Variants in RANBP2 observed in about 807,000 individuals in gnomAD.
RANBP2 encodes RAN binding protein 2, also known as E3 SUMO-protein ligase RanBP2.
Under a neutral mutation model 303.6 loss-of-function variants are expected in RANBP2, and 57 were observed. That is an observed-to-expected ratio of 0.19 (90% CI 0.15 to 0.23). RANBP2 has a LOEUF of 0.23. Among genes scored for constraint, RANBP2 ranks in the 10% least tolerant of loss-of-function variants. The pLI, the probability that RANBP2 is intolerant of heterozygous loss-of-function variation, is 1.00. For synonymous variants in RANBP2, 1,167 were observed against 1,301.5 expected (o/e 0.90, Z 2.23); for missense variants, 3,138 against 3,780.8 (o/e 0.83, Z 4.46).
the RANBP2 span, among the ~76,000 whole-genome samples, chr2:109,167,633 A>C: frequency 6.6e-6 from 1 of 152,148 alleles, no homozygotes; most frequent in Non-Finnish European, 1.5e-5. Context: ...GTGCAGCGGC[A>C]CGATCTCGGC....
the RANBP2 span, among the ~76,000 whole-genome samples, chr2:108,944,176 C>T: frequency 4.6e-5 from 7 of 152,284 alleles, no homozygotes; most frequent in East Asian, 3.9e-4. Context: ...TGCAGTGGCA[C>T]GATCTCGGCT....
the RANBP2 span, among the ~76,000 whole-genome samples, chr2:109,033,921 A>G: frequency 1.4e-5 from 2 of 147,918 alleles, no homozygotes; most frequent in African/African-American, 2.5e-5. Context: ...GCACCACTGC[A>G]CTTCAGCCTG....
the RANBP2 span, among the ~76,000 whole-genome samples, chr2:109,471,138 A>AG: frequency 3.4e-3 from 470 of 138,730 alleles, 5 homozygotes; most frequent in South Asian, 0.037. Flanking sequence ...ACTTGAACCC[A>AG]GGGGGCAGAG....
At chr2:109,247,235 A>T in the RANBP2 span, among the ~76,000 whole-genome samples, 12 of 152,200 alleles carry the variant, frequency 7.9e-5, no homozygotes, top group African/African-American at 2.9e-4. Flanking sequence ...ATGCCCACAG[A>T]TTATGTGCTG....
chr2:109,238,449 TTGTG>T, the RANBP2 span, among the ~76,000 whole-genome samples: 18,966 of 142,350 alleles, frequency 0.13, 1,221 homozygotes, highest in Non-Finnish European at 0.15. Flanking sequence ...TTATGTATAT[TTGTG>T]TGTGTGTGTG....
At chr2:108,749,863 G>T (rs1373657058) in intron 9 of RANBP2, among the ~76,000 whole-genome samples, 1 of 152,114 alleles carries the variant, frequency 6.6e-6, no homozygotes, top group Non-Finnish European at 1.5e-5. Flanking sequence ...AAAGTGTTGG[G>T]ATTAGGCCTG....
chr2:108,750,695 G>C (rs992601157), intron 9 of RANBP2, among the ~76,000 whole-genome samples: 14 of 151,818 alleles, frequency 9.2e-5, no homozygotes, highest in African/African-American at 3.4e-4. Context: ...TCAAGCAATT[G>C]TCTTGCCTCA....
the RANBP2 span, chr2:108,856,969 T>C: frequency 6.3e-7 from 1 of 1,583,424 alleles, no homozygotes; most frequent in South Asian, 1.1e-5. Context: ...CGGTGGAATC[T>C]AGTAAGTTTT....
At chr2:108,940,551 C>T in the RANBP2 span, among the ~76,000 whole-genome samples, 5 of 152,240 alleles carry the variant, frequency 3.3e-5, no homozygotes, top group East Asian at 3.8e-4. Context: ...AGCCCCAGAT[C>T]GGGCGGAGGT....
At chr2:108,996,366 C>T in the RANBP2 span, among the ~76,000 whole-genome samples, 1 of 152,178 alleles carries the variant, frequency 6.6e-6, no homozygotes, top group Non-Finnish European at 1.5e-5. Context: ...GGGCTGGACA[C>T]TAGAGAGCTC....
the RANBP2 span, among the ~76,000 whole-genome samples, chr2:109,372,649 A>T: frequency 6.6e-6 from 1 of 152,220 alleles, no homozygotes; most frequent in Admixed American, 6.5e-5. Context: ...GAGTGGCAGA[A>T]CCAAGGTTTC....
chr2:109,249,514 T>TTTCCTTCCTTCC, the RANBP2 span, among the ~76,000 whole-genome samples: 2 of 42,958 alleles, frequency 4.7e-5, no homozygotes, highest in Admixed American at 3.0e-4. Context: ...TCTTTCATTC[T>TTTCCTTCCTTCC]TTCTTTTTCT....
the RANBP2 span, chr2:109,613,723 C>T: frequency 1.0e-6 from 1 of 985,838 alleles, no homozygotes. Flanking sequence ...ACCAGGGGGC[C>T]GGTGGGTCGA....
At chr2:109,419,549 C>T in the RANBP2 span, 4 of 1,595,658 alleles carry the variant, frequency 2.5e-6, no homozygotes, top group Non-Finnish European at 2.6e-6. Context: ...GATGTCTCCT[C>T]CTCGGCGGGA....
the RANBP2 span, among the ~76,000 whole-genome samples, chr2:109,184,385 G>A: frequency 6.6e-6 from 1 of 152,224 alleles, no homozygotes; most frequent in Non-Finnish European, 1.5e-5. Context: ...AATGCAGAAA[G>A]GCAGCTTTTC....
At chr2:109,037,001 TG>T in the RANBP2 span, among the ~76,000 whole-genome samples, 6 of 151,894 alleles carry the variant, frequency 4.0e-5, no homozygotes, top group Non-Finnish European at 7.4e-5. Context: ...AAAAATTAGC[TG>T]GGCATGGTGG....
the RANBP2 span, among the ~76,000 whole-genome samples, chr2:109,040,381 A>G: frequency 3.3e-5 from 5 of 152,242 alleles, no homozygotes; most frequent in African/African-American, 1.2e-4. Flanking sequence ...GATATCCAAT[A>G]GAATAAACTC....
the RANBP2 span, among the ~76,000 whole-genome samples, chr2:109,635,564 G>A: frequency 6.6e-6 from 1 of 152,192 alleles, no homozygotes; most frequent in Non-Finnish European, 1.5e-5. Flanking sequence ...TCCTCGCTGT[G>A]AGAGCGTTTT....
At chr2:109,234,579 G>A in the RANBP2 span, among the ~76,000 whole-genome samples, 16 of 152,300 alleles carry the variant, frequency 1.1e-4, no homozygotes, top group African/African-American at 3.4e-4. Context: ...GGCTGCCCTC[G>A]TTGACAGCTG....
Sources: gnomAD v4.1 joint callset for allele counts (sites outside exome capture counted in the v4.1 genomes callset) on GRCh38, gnomAD v4.1.1 for gene constraint, MANE v1.5 for transcripts, NCBI Gene and HGNC (gene_info 2026-07-23, HGNC 2026-07-21) for gene names.